The following RAB5C variants were observed in gnomAD, a reference collection of about 807,000 sequenced individuals.
RAB5C encodes ras-related protein Rab-5C.
Under a neutral mutation model 25.2 loss-of-function variants are expected in RAB5C, and 4 were observed. The ratio of observed to expected loss-of-function variants is 0.16; its 90% CI spans 0.08 to 0.36. The LOEUF is 0.36. RAB5C is among the 10% of genes least tolerant of loss of function. The probability of loss-of-function intolerance (pLI) is 1.00; values close to 1 mark genes in which losing one functional copy is unlikely to be tolerated. For synonymous variants in RAB5C, 100 were observed against 106.4 expected (o/e 0.94, Z 0.37); for missense variants, 199 against 283.8 (o/e 0.70, Z 2.15).
At position 42,131,357 on chromosome 17, in the gene RAB5C, A is replaced by G. The variant is rs2054483542; in HGVS notation, c.-88-767T>C. ...AAAAAACAAAACACACACAGAAACA[A>G]ACACATAGTAAAACACACACCGATA... On this transcript the variant is annotated intron_variant, in intron 1 of 5. Transcript: ENST00000346213. Among the ~76,000 whole-genome samples the G allele has an allele frequency of 1.3e-5, 2 of 151,904 alleles. 1 individual carries two copies. The highest frequency in any genetic ancestry group is 4.2e-4 in the South Asian group (2 of 4,808).
chr17:42,140,516 T>TATATATATATATATA (rs61570185), intron 1 of RAB5C, among the ~76,000 whole-genome samples: 3 of 12,904 alleles, frequency 2.3e-4, no homozygotes, highest in African/African-American at 6.2e-4. Context: ...TATATATATA[T>TATATATATATATATA]TTTTTTTTTT....
rs1011208659 is a variant in RAB5C, at chr17:42,126,835, T to C, written c.455A>G (p.Tyr152Cys). 2.5e-6 allele frequency: 4 copies of C among 1,611,760 alleles called. No individual in the cohort carries two copies. Among genetic ancestry groups the C allele is most frequent in the Non-Finnish European group, 3.4e-6 (4 of 1,178,266 alleles). The stretch of plus-strand genomic sequence containing the variant: ...GAACAGCAAACTGTTGTCGTCTGCA[T>C]AGGCTTGTGCTTCCTGGTTTGGATG... Reference protein sequence around the residue: ...RAVEFQEAQAYADDNSLLFME... With the variant: ...RAVEFQEAQACADDNSLLFME... Residue 152 changes from tyrosine to cysteine, a missense_variant, in exon 5 of 6, where the codon TAT becomes TGT. By Grantham distance (194) the Tyr-to-Cys change is radical (BLOSUM62 -2). Coordinates refer to ENST00000346213, the MANE Select transcript of RAB5C (RefSeq NM_004583.4).
chr17:42,150,165 G>A (rs113459510), intron 1 of RAB5C, among the ~76,000 whole-genome samples: 2,643 of 151,846 alleles, frequency 0.017, 76 homozygotes, highest in African/African-American at 0.061. Flanking sequence ...GATTATAGGC[G>A]TGATCCACCA....
intron 5 of RAB5C, 61 bp from the exon 6 acceptor site, chr17:42,125,959 C>T (rs1247077705): frequency 1.1e-5 from 15 of 1,313,650 alleles, no homozygotes; most frequent in Non-Finnish European, 1.5e-5. Context: ...CCCAGTTCCA[C>T]TGGAGCAGAT....
At chr17:42,145,106 G>A (rs1310431443) in intron 1 of RAB5C, among the ~76,000 whole-genome samples, 1 of 151,914 alleles carries the variant, frequency 6.6e-6, no homozygotes, top group East Asian at 1.9e-4. Flanking sequence ...CCGGGAGGCG[G>A]AGCTTGCAGT....
chr17:42,132,130 C>T (rs2054492420), intron 1 of RAB5C, among the ~76,000 whole-genome samples: 1 of 152,150 alleles, frequency 6.6e-6, no homozygotes, highest in Non-Finnish European at 1.5e-5. Flanking sequence ...CACATTCATG[C>T]AAGAAGCTGA....
In RAB5C at chr17:42,128,399, C is replaced by T; in HGVS notation, c.319-16G>A. On this transcript the variant is annotated splice_polypyrimidine_tract_variant and intron_variant, in intron 3 of 5. Coordinates refer to ENST00000346213, the MANE Select transcript of RAB5C (RefSeq NM_004583.4). Reference sequence around the variant, plus strand: ...CAAATGTATCCTGAGGAGACAGGGACAGAATGTCGAAGGGACAGAGAAGGC... The same window carrying T: ...CAAATGTATCCTGAGGAGACAGGGATAGAATGTCGAAGGGACAGAGAAGGC... The T allele has an allele frequency of 6.2e-7, 1 of 1,608,042 alleles. No homozygotes were observed. The highest frequency in any genetic ancestry group is 8.5e-7 in the Non-Finnish European group (1 of 1,176,222).
chr17:42,129,692 A>G (rs986182960), intron 2 of RAB5C, among the ~76,000 whole-genome samples: 6 of 152,240 alleles, frequency 3.9e-5, no homozygotes, highest in African/African-American at 1.4e-4. Context: ...GACTGCTGAC[A>G]TGGCCCATTT....
intron 2 of RAB5C, among the ~76,000 whole-genome samples, chr17:42,129,899 G>C (rs2054467603): frequency 6.6e-6 from 1 of 152,222 alleles, no homozygotes; most frequent in Non-Finnish European, 1.5e-5. Context: ...AAAGGGTAAA[G>C]TCAGCTTCAG....
intron 1 of RAB5C, among the ~76,000 whole-genome samples, chr17:42,132,863 C>A (rs986801489): frequency 4.6e-5 from 7 of 152,152 alleles, no homozygotes; most frequent in African/African-American, 1.7e-4. Flanking sequence ...ATTTAACATT[C>A]ATATATTAAA....
At chr17:42,135,007 A>C (rs1221194631) in intron 1 of RAB5C, among the ~76,000 whole-genome samples, 4 of 147,276 alleles carry the variant, frequency 2.7e-5, no homozygotes, top group Admixed American at 1.3e-4. Flanking sequence ...TTGAGACAGA[A>C]TCTCGCTCTC....
intron 3 of RAB5C, 95 bp from the exon 4 acceptor site, chr17:42,128,478 C>G: frequency 6.7e-7 from 1 of 1,494,090 alleles, no homozygotes; most frequent in Non-Finnish European, 9.0e-7. Context: ...GCCAAATTAT[C>G]TAAGACATTG....
At chr17:42,135,300 C>T (rs1316165900) in intron 1 of RAB5C, among the ~76,000 whole-genome samples, 2 of 148,974 alleles carry the variant, frequency 1.3e-5, no homozygotes, top group African/African-American at 5.0e-5. Context: ...CTCACTGTTG[C>T]CCAGGCTAGA....
chr17:42,139,809 C>A lies in RAB5C; in HGVS notation c.-88-9219G>T, dbSNP rs1014129696. Among the ~76,000 whole-genome samples, 3 of 152,272 alleles carry A rather than the reference C, an allele frequency of 2.0e-5. No homozygotes were observed. In the East Asian group the frequency reaches 5.8e-4, roughly 29 times the overall value. On this transcript the variant is annotated intron_variant, in intron 1 of 5. Transcript: ENST00000346213. ...GCCCAGAACCACACACACGTCCCAG[C>A]CACAGGGCTTGTTAGGGATGACAAC...
chr17:42,149,062 C>G (rs1568025774), intron 1 of RAB5C, among the ~76,000 whole-genome samples: 1 of 152,194 alleles, frequency 6.6e-6, no homozygotes, highest in African/African-American at 2.4e-5. Flanking sequence ...TAATCTCTTA[C>G]AATACCAAGC....
At position 42,128,290 on chromosome 17, in the gene RAB5C, G is replaced by A; in HGVS notation, c.412C>T (p.Leu138=). Residue 138 remains leucine, a synonymous_variant, in exon 4 of 6, where the codon CTG becomes TTG. Transcript: ENST00000346213. ...VIALAGNKAD[L]ASKRAVEFQE... is the part of the protein sequence containing the mutation. The stretch of plus-strand genomic sequence containing the variant: ...AATTCCACGGCTCTCTTGCTGGCCA[G>A]GTCTGCCTTGTTACCCGCGAGTGCA... 6.2e-7 allele frequency: 1 copy of A among 1,614,032 alleles called. No homozygotes were observed. Among genetic ancestry groups the A allele is most frequent in the Non-Finnish European group, 8.5e-7 (1 of 1,179,968 alleles).
intron 1 of RAB5C, among the ~76,000 whole-genome samples, chr17:42,134,111 G>A (rs928838757): frequency 6.6e-6 from 1 of 152,114 alleles, no homozygotes; most frequent in East Asian, 1.9e-4. Flanking sequence ...AAGGGCGCAC[G>A]GAGATATGAG....
chr17:42,125,935 A>T, intron 5 of RAB5C, 37 bp from the exon 6 acceptor site: 1 of 1,439,336 alleles, frequency 6.9e-7, no homozygotes, highest in East Asian at 2.4e-5. Flanking sequence ...TGTTGGGGGT[A>T]CCCCAATAAC....
At chr17:42,143,720 G>A (rs1161725952) in intron 1 of RAB5C, among the ~76,000 whole-genome samples, 1 of 152,180 alleles carries the variant, frequency 6.6e-6, no homozygotes. Flanking sequence ...GTCAAAGGAG[G>A]CTAAAAGAGC....
Sources: allele counts gnomAD v4.1 joint callset (sites outside exome capture counted in the v4.1 genomes callset), GRCh38; gene constraint gnomAD v4.1.1; transcripts MANE v1.5; gene names NCBI Gene and HGNC (gene_info 2026-07-23, HGNC 2026-07-21).